SIDT1: variants seen among roughly 807,000 people sequenced by gnomAD.
SIDT1 encodes SID1 transmembrane family member 1.
Under a neutral mutation model 107.5 loss-of-function variants are expected in SIDT1, and 101 were observed. The ratio of observed to expected loss-of-function variants is 0.94; its 90% CI spans 0.80 to 1.11. The LOEUF is 1.11. SIDT1 is among the 50% of genes least tolerant of loss of function. The pLI is 0.00. For missense variants in SIDT1, 1,076 were observed against 1,058.2 expected (o/e 1.02, Z -0.23); for synonymous variants, 395 against 398.2 (o/e 0.99, Z 0.10).
At chr3:113,627,193 C>T (rs1946917149) in intron 24 of SIDT1, among the ~76,000 whole-genome samples, 1 of 152,082 alleles carries the variant, frequency 6.6e-6, no homozygotes, top group Admixed American at 6.6e-5. Flanking sequence ...CTAAATGTCC[C>T]CTAAGTAATG....
intron 21 of SIDT1, 165 bp downstream of exon 21, chr3:113,619,891 C>T: frequency 1.6e-6 from 1 of 629,706 alleles, no homozygotes; most frequent in Admixed American, 2.6e-5. Context: ...TCTCGTGTAG[C>T]AATTGTAGCC....
Position 113,536,402 on chromosome 3 carries a change from C to T in SIDT1, c.222+3159C>T, listed in dbSNP as rs529974054. 3.9e-5 allele frequency among the ~76,000 whole-genome samples: 6 copies of T among 152,252 alleles called. No homozygotes were observed. The South Asian group carries it at 1.2e-3, about 32-fold the overall frequency. On this transcript the variant is annotated intron_variant, in intron 1 of 24. Transcript: ENST00000264852. ...TCTTTCTAGCCTGCAGGGTCATTGC[C>T]CACCTCCCCTCTTCAGTGCAACAAA...
At chr3:113,615,092 C>A in intron 19 of SIDT1, 1 of 1,535,598 alleles carries the variant, frequency 6.5e-7, no homozygotes, top group Non-Finnish European at 8.7e-7. Flanking sequence ...TGTTCAGCCA[C>A]CCTTTCCAGG....
In SIDT1 at chr3:113,607,219, C is replaced by A; in HGVS notation, c.1478+105C>A. 4.1e-6 allele frequency: 3 copies of A among 734,438 alleles called. No individual in the cohort carries two copies. In the South Asian group the frequency reaches 5.4e-5, roughly 13 times the overall value. The allele number at this position is 734,438 out of a possible 1,614,324, so 45.5% of individuals were successfully genotyped here. On this transcript the variant is annotated intron_variant, in intron 15 of 24. Transcript: ENST00000264852. ...TACTAAAAACAACTGTGGAAAACGA[C>A]CCTATTCAAGGGTAAAAAGGAACTA...
chr3:113,593,411 G>T (rs182713121), intron 10 of SIDT1, among the ~76,000 whole-genome samples: 1 of 152,154 alleles, frequency 6.6e-6, no homozygotes, highest in Non-Finnish European at 1.5e-5. Context: ...CTGTGCATGC[G>T]AGGGATCTGG....
intron 1 of SIDT1, among the ~76,000 whole-genome samples, chr3:113,550,024 A>G (rs1173816523): frequency 6.6e-6 from 1 of 152,134 alleles, no homozygotes; most frequent in African/African-American, 2.4e-5. Flanking sequence ...GCATTACACT[A>G]TTGTGTACAT....
At chr3:113,594,299 A>G (rs1488235628) in intron 10 of SIDT1, among the ~76,000 whole-genome samples, 3 of 152,176 alleles carry the variant, frequency 2.0e-5, no homozygotes, top group Non-Finnish European at 4.4e-5. Context: ...ATAAAAGAAC[A>G]CCTGCTCTCG....
intron 13 of SIDT1, 54 bp from the exon 14 acceptor site, chr3:113,604,856 A>C: frequency 6.3e-7 from 1 of 1,591,594 alleles, no homozygotes; most frequent in Non-Finnish European, 8.6e-7. Context: ...TATTAACCAA[A>C]GACTCCACTG....
intron 17 of SIDT1, among the ~76,000 whole-genome samples, chr3:113,609,336 G>T (rs949060961): frequency 6.6e-6 from 1 of 152,010 alleles, no homozygotes; most frequent in Non-Finnish European, 1.5e-5. Context: ...AAAGTGCTGG[G>T]ATTACAGGCG....
At chr3:113,594,622 A>T (rs2107613370) in intron 10 of SIDT1, among the ~76,000 whole-genome samples, 1 of 152,272 alleles carries the variant, frequency 6.6e-6, no homozygotes, top group South Asian at 2.1e-4. Flanking sequence ...CAAAGCTGGG[A>T]CTTGAGCCAG....
chr3:113,617,358 C>T (rs180762886), intron 20 of SIDT1, among the ~76,000 whole-genome samples: 77 of 152,328 alleles, frequency 5.1e-4, no homozygotes, highest in African/African-American at 1.8e-3. Context: ...GGGCCCTGGT[C>T]CCAGCTCTCT....
intron 9 of SIDT1, among the ~76,000 whole-genome samples, chr3:113,587,071 G>T (rs547235094): frequency 6.6e-6 from 1 of 152,170 alleles, no homozygotes; most frequent in East Asian, 1.9e-4. Context: ...TGCTGAATTC[G>T]ATAACTGTAT....
At chr3:113,570,136 C>A (rs1942313817) in intron 3 of SIDT1, among the ~76,000 whole-genome samples, 1 of 152,174 alleles carries the variant, frequency 6.6e-6, no homozygotes, top group Non-Finnish European at 1.5e-5. Context: ...AACCCCTGGG[C>A]TCAAGCGATC....
Position 113,584,596 on chromosome 3 carries a change from T to A in SIDT1, c.836-102T>A, listed in dbSNP as rs73855950. On this transcript the variant is annotated intron_variant, in intron 7 of 24. Coordinates refer to ENST00000264852, the MANE Select transcript of SIDT1 (RefSeq NM_017699.3). Reference sequence around the variant, plus strand: ...CTAAAATAAGATTCAGTGATCAGAATTAATTCTGGACATTTTTTGAACAAC... The same window carrying A: ...CTAAAATAAGATTCAGTGATCAGAAATAATTCTGGACATTTTTTGAACAAC... 904 of 760,558 alleles carry A rather than the reference T, an allele frequency of 1.2e-3. 3 individuals are homozygous for A. The African/African-American group carries it at 0.015, about 13-fold the overall frequency. 47.1% of individuals were successfully genotyped at this position (760,558 alleles called of 1,614,324 possible).
chr3:113,607,499 T>C (rs925648793), intron 15 of SIDT1, among the ~76,000 whole-genome samples: 1 of 152,232 alleles, frequency 6.6e-6, no homozygotes, highest in Non-Finnish European at 1.5e-5. Context: ...TTGCTGAAGG[T>C]CCCTCAGCTG....
At chr3:113,562,494 A>T (rs1941525157) in intron 1 of SIDT1, among the ~76,000 whole-genome samples, 1 of 152,254 alleles carries the variant, frequency 6.6e-6, no homozygotes, top group Non-Finnish European at 1.5e-5. Context: ...AGAATGGATA[A>T]ACAGGATGTG....
At chr3:113,609,101 C>G (rs1054743305) in intron 17 of SIDT1, among the ~76,000 whole-genome samples, 4 of 126,778 alleles carry the variant, frequency 3.2e-5, no homozygotes, top group East Asian at 2.4e-4. Flanking sequence ...CTGGCTCTGT[C>G]GCCCAGGCTG....
At chr3:113,547,747 T>G (rs774904878) in intron 1 of SIDT1, among the ~76,000 whole-genome samples, 8 of 152,110 alleles carry the variant, frequency 5.3e-5, no homozygotes, top group Non-Finnish European at 8.8e-5. Context: ...TTCTCCCTAT[T>G]TGGACCACTG....
chr3:113,556,491 C>T (rs1008794750), intron 1 of SIDT1, among the ~76,000 whole-genome samples: 1 of 152,054 alleles, frequency 6.6e-6, no homozygotes, highest in Non-Finnish European at 1.5e-5. Flanking sequence ...GTCCCATCTT[C>T]GCTCAGCCAG....
Sources: gnomAD v4.1 joint callset for allele counts (sites outside exome capture counted in the v4.1 genomes callset) on GRCh38, gnomAD v4.1.1 for gene constraint, MANE v1.5 for transcripts, NCBI Gene and HGNC (gene_info 2026-07-23, HGNC 2026-07-21) for gene names.